GALNTL6: variants seen among roughly 807,000 people sequenced by gnomAD.
The protein encoded by GALNTL6 is polypeptide N-acetylgalactosaminyltransferase like 6, also known as polypeptide N-acetylgalactosaminyltransferase-like 6.
GALNTL6 carries 46 observed loss-of-function variants against 73.7 expected under a neutral mutation model. That is an observed-to-expected ratio of 0.62 (90% CI 0.49 to 0.80). The LOEUF (loss-of-function observed/expected upper bound fraction) is 0.80. Among genes scored for constraint, GALNTL6 ranks in the 30% least tolerant of loss-of-function variants. The pLI is 0.00. For synonymous variants in GALNTL6, 259 were observed against 263.7 expected (o/e 0.98, Z 0.17); for missense variants, 604 against 755.0 (o/e 0.80, Z 2.34).
intron 2 of GALNTL6, among the ~76,000 whole-genome samples, chr4:172,207,025 G>C (rs577767890): frequency 6.6e-6 from 1 of 151,050 alleles, no homozygotes; most frequent in Non-Finnish European, 1.5e-5. Context: ...CACCATGTTA[G>C]CCAGGATGAT....
At chr4:172,224,894 C>G (rs1261986114) in intron 2 of GALNTL6, among the ~76,000 whole-genome samples, 1 of 152,114 alleles carries the variant, frequency 6.6e-6, no homozygotes, top group Non-Finnish European at 1.5e-5. Context: ...TCAATGGGCT[C>G]TGGGATCCCA....
intron 2 of GALNTL6, among the ~76,000 whole-genome samples, chr4:171,983,721 C>T (rs1315505040): frequency 6.6e-6 from 1 of 151,850 alleles, no homozygotes; most frequent in African/African-American, 2.4e-5. Flanking sequence ...GTCATTGGGA[C>T]AATCAATGAG....
chr4:172,721,221 C>T (rs1388328450), intron 5 of GALNTL6, among the ~76,000 whole-genome samples: 1 of 152,098 alleles, frequency 6.6e-6, no homozygotes, highest in Non-Finnish European at 1.5e-5. Flanking sequence ...CCAAGATAGT[C>T]ATGGATTTTA....
chr4:172,276,676 A>G (rs1738843264), intron 3 of GALNTL6, among the ~76,000 whole-genome samples: 3 of 152,034 alleles, frequency 2.0e-5, no homozygotes, highest in Admixed American at 6.6e-5. Context: ...CACACAACCA[A>G]CTAGGTTGTG....
At chr4:172,402,365 A>G (rs1463139767) in intron 5 of GALNTL6, among the ~76,000 whole-genome samples, 1 of 152,116 alleles carries the variant, frequency 6.6e-6, no homozygotes, top group Non-Finnish European at 1.5e-5. Flanking sequence ...TGTCATTTTA[A>G]AAGATAACAT....
At chr4:172,230,590 A>G (rs1737027452) in intron 3 of GALNTL6, among the ~76,000 whole-genome samples, 1 of 152,066 alleles carries the variant, frequency 6.6e-6, no homozygotes, top group African/African-American at 2.4e-5. Context: ...AAAAAAAAAA[A>G]AGACAAAAAA....
chr4:172,190,509 G>A (rs1258836568), intron 2 of GALNTL6, among the ~76,000 whole-genome samples: 1 of 152,126 alleles, frequency 6.6e-6, no homozygotes, highest in Non-Finnish European at 1.5e-5. Flanking sequence ...AGAAAAAAAA[G>A]TGTGTAAGTT....
intron 5 of GALNTL6, among the ~76,000 whole-genome samples, chr4:172,682,998 G>A (rs1286865196): frequency 1.3e-5 from 2 of 152,130 alleles, no homozygotes; most frequent in East Asian, 1.9e-4. Flanking sequence ...CCATTCTACT[G>A]ATGAGGAAAA....
chr4:172,962,582 G>A (rs1750134425), intron 10 of GALNTL6, among the ~76,000 whole-genome samples: 1 of 152,104 alleles, frequency 6.6e-6, no homozygotes, highest in Non-Finnish European at 1.5e-5. Flanking sequence ...AGACTCGGTG[G>A]TTCTTTTTAA....
chr4:171,957,429 C>T (rs1321010368), intron 2 of GALNTL6, among the ~76,000 whole-genome samples: 1 of 152,148 alleles, frequency 6.6e-6, no homozygotes, highest in Non-Finnish European at 1.5e-5. Context: ...CTGGTAAAGG[C>T]TGCGCTCTGT....
At chr4:172,586,066 C>G (rs1737398940) in intron 5 of GALNTL6, among the ~76,000 whole-genome samples, 1 of 152,132 alleles carries the variant, frequency 6.6e-6, no homozygotes, top group Non-Finnish European at 1.5e-5. Context: ...TGGTAGGAGT[C>G]TAAATTAGTT....
chr4:172,412,088 G>C (rs905231275), intron 5 of GALNTL6, among the ~76,000 whole-genome samples: 7 of 151,996 alleles, frequency 4.6e-5, no homozygotes, highest in African/African-American at 1.7e-4. Flanking sequence ...TGTCACCCAG[G>C]CTGGAGTGCA....
chr4:172,479,152 C>T (rs1161087508), intron 5 of GALNTL6, among the ~76,000 whole-genome samples: 7 of 152,100 alleles, frequency 4.6e-5, no homozygotes, highest in Admixed American at 4.6e-4. Flanking sequence ...ATCCGGGAAT[C>T]CCACTACTAA....
intron 5 of GALNTL6, among the ~76,000 whole-genome samples, chr4:172,781,168 G>A (rs183905809): frequency 6.6e-6 from 1 of 152,316 alleles, no homozygotes; most frequent in Admixed American, 6.5e-5. Context: ...CAACAGGAGA[G>A]CAGCGACAGG....
chr4:172,391,750 C>A (rs558877118), intron 5 of GALNTL6, among the ~76,000 whole-genome samples: 1 of 152,222 alleles, frequency 6.6e-6, no homozygotes, highest in East Asian at 1.9e-4. Context: ...TCTCTTACTA[C>A]TGTTTATTTG....
At chr4:172,813,430 C>G in intron 6 of GALNTL6, 110 bp from the exon 7 acceptor site, 1 of 810,344 alleles carries the variant, frequency 1.2e-6, no homozygotes, top group South Asian at 2.4e-5. Flanking sequence ...CAGGGAGCCA[C>G]GGCTGCAAGC....
chr4:171,968,893 A>G (rs566913718), intron 2 of GALNTL6, among the ~76,000 whole-genome samples: 22 of 151,622 alleles, frequency 1.5e-4, no homozygotes, highest in African/African-American at 5.1e-4. Flanking sequence ...CTGGAGTGCA[A>G]TAGTGTGATC....
At chr4:171,958,948 A>G (rs1739136243) in intron 2 of GALNTL6, among the ~76,000 whole-genome samples, 1 of 152,076 alleles carries the variant, frequency 6.6e-6, no homozygotes, top group Non-Finnish European at 1.5e-5. Flanking sequence ...TTTTTTCTTT[A>G]TTAGAGAAAC....
chr4:172,449,083 T>G (rs1732122376), intron 5 of GALNTL6, among the ~76,000 whole-genome samples: 1 of 152,196 alleles, frequency 6.6e-6, no homozygotes, highest in African/African-American at 2.4e-5. Context: ...TTCCACAATC[T>G]GAATTGCACT....
Sources: allele counts gnomAD v4.1 joint callset (sites outside exome capture counted in the v4.1 genomes callset), GRCh38; gene constraint gnomAD v4.1.1; transcripts MANE v1.5; gene names NCBI Gene and HGNC (gene_info 2026-07-23, HGNC 2026-07-21).